PLA2G4C: variants seen among roughly 807,000 people sequenced by gnomAD.
PLA2G4C encodes the protein phospholipase A2 group IVC.
In PLA2G4C, 64 loss-of-function variants were observed where a neutral mutation model predicts 73.8. The ratio of observed to expected loss-of-function variants is 0.87; its 90% CI spans 0.71 to 1.07. The LOEUF is 1.07. PLA2G4C is among the 50% of genes least tolerant of loss of function. The pLI is 0.00. For synonymous variants in PLA2G4C, 254 were observed against 252.1 expected (o/e 1.01, Z -0.07); for missense variants, 622 against 665.4 (o/e 0.93, Z 0.72).
At chr19:48,093,514 C>T (rs1364137870) in intron 7 of PLA2G4C, among the ~76,000 whole-genome samples, 1 of 152,132 alleles carries the variant, frequency 6.6e-6, no homozygotes, top group Non-Finnish European at 1.5e-5. Context: ...GAATCGGTCA[C>T]CACCCTAATT....
At position 48,105,972 on chromosome 19, in the gene PLA2G4C, T is replaced by G. The variant is rs934393000; in HGVS notation, c.9-528A>C. Among the ~76,000 whole-genome samples, 28 of 77,494 alleles carry G rather than the reference T, an allele frequency of 3.6e-4. 1 individual carries two copies. In the African/African-American group the frequency reaches 3.7e-3, roughly 10 times the overall value. The allele number at this position is 77,494 out of a possible 152,430, so 50.8% of individuals were successfully genotyped here. A position where few individuals can be genotyped will look rare whatever the true frequency, so the allele number is the denominator to read the frequency against. The stretch of plus-strand genomic sequence containing the variant: ...CTTCTTTCTTTCTTTCTTTCTTTCT[T>G]TCTTTCTTTCTTTCTTTCTTTCTCT... On this transcript the variant is annotated intron_variant, in intron 2 of 16. Transcript: ENST00000599921.
intron 12 of PLA2G4C, 79 bp from the exon 13 acceptor site, chr19:48,067,965 A>G (rs1968505551): frequency 1.0e-6 from 1 of 977,656 alleles, no homozygotes; most frequent in East Asian, 2.4e-5. Context: ...CATATGTGGA[A>G]GCCCTCATCC....
In PLA2G4C at chr19:48,063,581, C is replaced by A. The variant is rs983127046; in HGVS notation, c.1103-1429G>T. Among the ~76,000 whole-genome samples, 377 of 133,204 alleles carry A rather than the reference C, an allele frequency of 2.8e-3. 2 individuals carry two copies. The highest frequency in any genetic ancestry group is 1.0e-2 in the African/African-American group (350 of 35,020). The allele number at this position is 133,204 out of a possible 152,430, so 87.4% of individuals were successfully genotyped here. ...CCCACCCCCATCCCTCCCGTCCCCC[C>A]GCCAACACCCTCCCCAACTCCTACC... On this transcript the variant is annotated intron_variant, in intron 13 of 16. Transcript: ENST00000599921.
At chr19:48,069,176 C>T (rs983348975) in intron 12 of PLA2G4C, among the ~76,000 whole-genome samples, 3 of 152,024 alleles carry the variant, frequency 2.0e-5, no homozygotes, top group African/African-American at 2.4e-5. Flanking sequence ...GCCTGGGGGT[C>T]CTGGCCGTCA....
intron 16 of PLA2G4C, among the ~76,000 whole-genome samples, chr19:48,050,347 A>G (rs772003996): frequency 2.6e-5 from 4 of 152,164 alleles, no homozygotes; most frequent in Non-Finnish European, 1.5e-5. Context: ...TCTGGGGAAC[A>G]TAGACTGGTC....
In PLA2G4C at chr19:48,105,343, T is replaced by A. The variant is rs2122141748; in HGVS notation, c.110A>T (p.Glu37Val). The change falls in exon 3 of 17, where the codon GAG (glutamate) becomes GTG (valine). Residue 37 changes from glutamate (E) to valine (V), a missense_variant. Physicochemically the swap from Glu to Val is moderately radical, Grantham distance 121 (BLOSUM62 -2). Transcript: ENST00000599921. ...CCTCCCCTCACTTACCTCATCAGCCTCAATCCTTAGCTTCTTCAGAGCTTT... is the reference window on the plus strand; with the variant it reads ...CCTCCCCTCACTTACCTCATCAGCCACAATCCTTAGCTTCTTCAGAGCTTT... ...VLKALKKLRI[E>V]ADEAPVVAVL... The A allele has an allele frequency of 6.2e-7, 1 of 1,611,740 alleles. No homozygotes were observed. Among genetic ancestry groups the A allele is most frequent in the South Asian group, 1.1e-5 (1 of 90,814 alleles).
At chr19:48,082,643 C>T (rs577783453) in intron 10 of PLA2G4C, among the ~76,000 whole-genome samples, 105 of 150,854 alleles carry the variant, frequency 7.0e-4, no homozygotes, top group Non-Finnish European at 1.3e-3. Flanking sequence ...GGGTTACAGG[C>T]GCCCGCCACC....
At chr19:48,105,809 TCCC>T (rs2032153394) in intron 2 of PLA2G4C, among the ~76,000 whole-genome samples, 1 of 13,686 alleles carries the variant, frequency 7.3e-5, no homozygotes, top group Non-Finnish European at 1.4e-4. Context: ...CCTCCCTCCC[TCCC>T]CTTCCCTCCC....
At chr19:48,099,521 T>G (rs2031785484) in intron 5 of PLA2G4C, 150 bp downstream of exon 5, 7 of 567,576 alleles carry the variant, frequency 1.2e-5, no homozygotes, top group South Asian at 9.7e-5. Context: ...TACTTTAGTT[T>G]TGAGGCATCA....
intron 5 of PLA2G4C, among the ~76,000 whole-genome samples, chr19:48,099,149 C>CCCCA (rs2031770259): frequency 6.7e-6 from 1 of 150,212 alleles, no homozygotes; most frequent in Admixed American, 6.7e-5. Flanking sequence ...ATGCCTGTTG[C>CCCCA]CCCAGCTTAC....
In PLA2G4C at chr19:48,054,944, T is replaced by G; in HGVS notation, c.1363A>C (p.Ile455Leu). 2 of 1,613,994 alleles carry G rather than the reference T, an allele frequency of 1.2e-6. No homozygotes were observed. The highest frequency in any genetic ancestry group is 2.7e-5 in the African/African-American group (2 of 74,988). The stretch of plus-strand genomic sequence containing the variant: ...ACTGGTCCAGTTTCTCCTTTCAGGA[T>G]GTAGCAGCTGGCGGGGGCCTTGGAC... Reference protein sequence around the residue: ...LWSKAPASCYILKGETGPVVM... With the variant: ...LWSKAPASCYLLKGETGPVVM... The change falls in exon 15 of 17, where the codon ATC (isoleucine) becomes CTC (leucine). Residue 455 changes from isoleucine to leucine, a missense_variant. Coordinates refer to ENST00000599921, the MANE Select transcript of PLA2G4C (RefSeq NM_003706.3).
At chr19:48,088,205 G>A (rs1012511245) in intron 9 of PLA2G4C, among the ~76,000 whole-genome samples, 15 of 152,052 alleles carry the variant, frequency 9.9e-5, no homozygotes, top group African/African-American at 3.4e-4. Context: ...CAGTGAACTT[G>A]CTCACACAGT....
intron 10 of PLA2G4C, among the ~76,000 whole-genome samples, chr19:48,079,122 C>T (rs1308975582): frequency 6.6e-6 from 1 of 152,134 alleles, no homozygotes; most frequent in Non-Finnish European, 1.5e-5. Flanking sequence ...CCCGCCTTGG[C>T]CTCCCAAAGT....
At chr19:48,109,871 G>A (rs953171054) in intron 1 of PLA2G4C, among the ~76,000 whole-genome samples, 5 of 150,998 alleles carry the variant, frequency 3.3e-5, no homozygotes, top group South Asian at 2.1e-4. Context: ...GGATGATCTC[G>A]ATCTCCTGAC....
rs1968206450 is a variant in PLA2G4C at position 48,062,112 on chromosome 19, G to T, written c.1143C>A (p.Leu381=). 1.2e-6 allele frequency: 2 copies of T among 1,608,148 alleles called. No individual in the cohort carries two copies. Among genetic ancestry groups the T allele is most frequent in the Non-Finnish European group, 1.7e-6 (2 of 1,176,760 alleles). Residue 381 remains leucine, a synonymous_variant, in exon 14 of 17, where the codon CTC becomes CTA. Transcript: ENST00000599921. Reference sequence around the variant, plus strand: ...TGGCTAAACCAGCATCCACCAGGTGGAGGTGCTTCCGGCTGCTCATTATCT... The same window carrying T: ...TGGCTAAACCAGCATCCACCAGGTGTAGGTGCTTCCGGCTGCTCATTATCT... ...RDKIMSSRKH[L]HLVDAGLAIN... is the part of the protein sequence containing the mutation.
chr19:48,088,684 A>G lies in PLA2G4C; in HGVS notation c.790+2T>C, dbSNP rs777855544. The G allele has an allele frequency of 6.2e-7, 1 of 1,607,492 alleles. No homozygotes were observed. On this transcript the variant is annotated splice_donor_variant, in intron 9 of 16. Coordinates refer to ENST00000599921, the MANE Select transcript of PLA2G4C (RefSeq NM_003706.3). LOFTEE classifies it high-confidence loss of function. The stretch of plus-strand genomic sequence containing the variant: ...GGATTCATGATGAAGTAGGATGCTT[A>G]CCTTTCAGGGTCAGATTCCTTAACT...
intron 1 of PLA2G4C, chr19:48,106,765 T>A (rs913784244): frequency 1.8e-6 from 1 of 565,612 alleles, no homozygotes; most frequent in Non-Finnish European, 3.1e-6. Flanking sequence ...GGAGAAATAT[T>A]TCAAGCGCGT....
intron 12 of PLA2G4C, among the ~76,000 whole-genome samples, chr19:48,069,196 T>G (rs936994944): frequency 2.0e-5 from 3 of 152,026 alleles, no homozygotes; most frequent in African/African-American, 4.8e-5. Flanking sequence ...AGATCCAGCA[T>G]CTATCATTGA....
intron 10 of PLA2G4C, among the ~76,000 whole-genome samples, chr19:48,080,214 CAT>C (rs1320390210): frequency 1.3e-5 from 2 of 151,682 alleles, no homozygotes. Flanking sequence ...GGCCAAGAAA[CAT>C]ATGAAAAAAA....
Sources: allele counts gnomAD v4.1 joint callset (sites outside exome capture counted in the v4.1 genomes callset), GRCh38; gene constraint gnomAD v4.1.1; transcripts MANE v1.5; gene names NCBI Gene and HGNC (gene_info 2026-07-23, HGNC 2026-07-21).